BACH2: variants seen among roughly 807,000 people sequenced by gnomAD.
BACH2 encodes the protein transcription regulator protein BACH2.
In BACH2, 5 loss-of-function variants were observed where a neutral mutation model predicts 61.8. That is an observed-to-expected ratio of 0.08 (90% CI 0.04 to 0.17). BACH2 has a LOEUF of 0.17. Among genes scored for constraint, BACH2 ranks in the 10% least tolerant of loss-of-function variants. The pLI, the probability that BACH2 is intolerant of heterozygous loss-of-function variation, is 1.00. For missense variants in BACH2, 824 were observed against 1,091.1 expected, an observed-to-expected ratio of 0.76 and a Z score of 3.45; for synonymous variants, 446 against 440.1, an observed-to-expected ratio of 1.01 and a Z score of -0.17.
chr6:90,181,216 G>T (rs995093815), intron 4 of BACH2, among the ~76,000 whole-genome samples: 1 of 152,112 alleles, frequency 6.6e-6, no homozygotes, highest in African/African-American at 2.4e-5. Context: ...CATTCTGGCT[G>T]GGGTAAGGTG....
At chr6:90,194,798 C>T (rs1229898041) in intron 4 of BACH2, among the ~76,000 whole-genome samples, 2 of 152,204 alleles carry the variant, frequency 1.3e-5, no homozygotes, top group African/African-American at 4.8e-5. Context: ...CCCATGACTT[C>T]TTTCCTGAAC....
intron 2 of BACH2, among the ~76,000 whole-genome samples, chr6:90,252,997 C>A (rs1187748005): frequency 6.6e-6 from 1 of 152,234 alleles, no homozygotes; most frequent in Non-Finnish European, 1.5e-5. Context: ...ATAATCCCAG[C>A]ACTTTGGGAG....
At chr6:90,035,869 C>G (rs546411811) in intron 5 of BACH2, among the ~76,000 whole-genome samples, 1 of 151,912 alleles carries the variant, frequency 6.6e-6, no homozygotes, top group Admixed American at 6.6e-5. Context: ...AAGAAAAACT[C>G]AAGCATGTCT....
At chr6:90,140,844 C>T (rs1216555909) in intron 4 of BACH2, among the ~76,000 whole-genome samples, 1 of 152,154 alleles carries the variant, frequency 6.6e-6, no homozygotes, top group African/African-American at 2.4e-5. Context: ...GACCTGGCAA[C>T]TTATATTAAA....
rs377668258 is a variant in BACH2, at chr6:90,221,581, G to A, written c.-274-14900C>T. Reference sequence around the variant, plus strand: ...TTCCCTTGAGGAGTCTACTTAAGACGACACCTAATGGCAGAACAGCAAGAC... The same window carrying A: ...TTCCCTTGAGGAGTCTACTTAAGACAACACCTAATGGCAGAACAGCAAGAC... On this transcript the variant is annotated intron_variant, in intron 3 of 8. Transcript: ENST00000257749. Among the ~76,000 whole-genome samples, 11 of 152,266 alleles carry A rather than the reference G, an allele frequency of 7.2e-5. No individual in the cohort carries two copies. The East Asian group carries it at 1.7e-3, about 24-fold the overall frequency.
intron 3 of BACH2, among the ~76,000 whole-genome samples, chr6:90,243,909 A>G (rs1451246436): frequency 6.6e-6 from 1 of 152,132 alleles, no homozygotes; most frequent in African/African-American, 2.4e-5. Context: ...CCTCAGTCAT[A>G]GGACATTCAT....
At position 89,999,921 on chromosome 6, in the gene BACH2, C is replaced by T. The variant is rs142249271; in HGVS notation, c.243+8681G>A. ...ACATAGTGAAAAGAAATCTTAAAAA[C>T]GGCTTTGAAATCAGGTCACTTAAAA... On this transcript the variant is annotated intron_variant, in intron 6 of 8. Coordinates refer to ENST00000257749, the MANE Select transcript of BACH2 (RefSeq NM_021813.4). Among the ~76,000 whole-genome samples the T allele has an allele frequency of 1.8e-4, 27 of 152,286 alleles. No individual in the cohort carries two copies. The East Asian group carries it at 5.0e-3, about 28-fold the overall frequency.
intron 3 of BACH2, among the ~76,000 whole-genome samples, chr6:90,228,932 GGTAGTGAAATGGGT>G (rs1399169384): frequency 1.3e-5 from 2 of 152,142 alleles, no homozygotes; most frequent in Admixed American, 6.5e-5. Context: ...TTCCAAGTCA[GGTAGTGAAATGGGT>G]GGAATTAAAC....
intron 4 of BACH2, among the ~76,000 whole-genome samples, chr6:90,149,802 TA>T (rs2127829501): frequency 6.6e-6 from 1 of 152,312 alleles, no homozygotes; most frequent in Non-Finnish European, 1.5e-5. Flanking sequence ...GGGTTCCAAT[TA>T]GTCTGTCCTT....
rs139648182 is a variant in BACH2 at position 90,142,582 on chromosome 6, A to G, written c.-161-53473T>C. Among the ~76,000 whole-genome samples, 669 of 152,310 alleles carry G rather than the reference A, an allele frequency of 4.4e-3. 2 individuals are homozygous for G. Among genetic ancestry groups the G allele is most frequent in the South Asian group, 6.8e-3 (33 of 4,828 alleles). The stretch of plus-strand genomic sequence containing the variant: ...ATAATAGAGGAGTGTCCATAATCTG[A>G]GACTTACAGGGAGTTGATTATAAGA... On this transcript the variant is annotated intron_variant, in intron 4 of 8. Transcript: ENST00000257749.
chr6:90,084,124 A>C, intron 5 of BACH2, among the ~76,000 whole-genome samples: 1 of 152,106 alleles, frequency 6.6e-6, no homozygotes, highest in African/African-American at 2.4e-5. Context: ...GGGGTGGGGA[A>C]GTATGAAGGT....
intron 6 of BACH2, among the ~76,000 whole-genome samples, chr6:89,979,306 T>G (rs933524049): frequency 6.6e-6 from 1 of 152,214 alleles, no homozygotes; most frequent in African/African-American, 2.4e-5. Flanking sequence ...TTTCATTTAT[T>G]TGACAAACAT....
At chr6:90,191,286 A>C (rs1768561370) in intron 4 of BACH2, among the ~76,000 whole-genome samples, 1 of 152,220 alleles carries the variant, frequency 6.6e-6, no homozygotes, top group Admixed American at 6.5e-5. Flanking sequence ...TTTAAGAAGT[A>C]TTCTGAATCA....
intron 7 of BACH2, among the ~76,000 whole-genome samples, chr6:89,943,897 G>T (rs1016134648): frequency 2.0e-5 from 3 of 152,216 alleles, no homozygotes; most frequent in South Asian, 2.1e-4. Context: ...TTTAACGCCT[G>T]TACTCTGAGG....
rs545979090 is a variant in BACH2 at position 90,140,698 on chromosome 6, G to C, written c.-161-51589C>G. 3.3e-5 allele frequency among the ~76,000 whole-genome samples: 5 copies of C among 152,248 alleles called. No homozygotes were observed. In the East Asian group the frequency reaches 9.7e-4, roughly 29 times the overall value. On this transcript the variant is annotated intron_variant, in intron 4 of 8. Transcript: ENST00000257749. ...AGACATATGAGGTGGAGGAAGAAGGGAGATAAAACAAACATATTCTACAGC... is the reference window on the plus strand; with the variant it reads ...AGACATATGAGGTGGAGGAAGAAGGCAGATAAAACAAACATATTCTACAGC...
chr6:90,076,572 T>C (rs9451342), intron 5 of BACH2, among the ~76,000 whole-genome samples: 1 of 152,172 alleles, frequency 6.6e-6, no homozygotes, highest in Admixed American at 6.5e-5. Context: ...TACTGTAATA[T>C]CTTCTGCATG....
chr6:90,218,197 T>C (rs2127854617), intron 3 of BACH2: 1 of 152,312 alleles, frequency 6.6e-6, no homozygotes, highest in East Asian at 1.9e-4. Flanking sequence ...CCCTTGGTAG[T>C]TTACCGCTAC....
Position 90,209,869 on chromosome 6 carries a change from G to A in BACH2, c.-274-3188C>T, listed in dbSNP as rs949339867. On this transcript the variant is annotated intron_variant, in intron 3 of 8. Coordinates refer to ENST00000257749, the MANE Select transcript of BACH2 (RefSeq NM_021813.4). ...GAGGGAAACATCAGACACACAGAAC[G>A]TTTTAAAATAAATATTACGATAGTT... Among the ~76,000 whole-genome samples, 5 of 152,248 alleles carry A rather than the reference G, an allele frequency of 3.3e-5. No homozygotes were observed. In the East Asian group the frequency reaches 5.8e-4, roughly 18 times the overall value.
intron 5 of BACH2, among the ~76,000 whole-genome samples, chr6:90,019,753 C>T (rs1374145506): frequency 9.2e-5 from 14 of 152,196 alleles, no homozygotes; most frequent in Non-Finnish European, 1.2e-4. Flanking sequence ...AAGGAAACCA[C>T]AGCCTTCTGG....
Sources: gnomAD v4.1 joint callset for allele counts (sites outside exome capture counted in the v4.1 genomes callset) on GRCh38, gnomAD v4.1.1 for gene constraint, MANE v1.5 for transcripts, NCBI Gene and HGNC (gene_info 2026-07-23, HGNC 2026-07-21) for gene names.